The following GJB7 variants were observed in gnomAD, a reference collection of about 807,000 sequenced individuals.
GJB7 encodes the protein gap junction protein beta 7, also known as gap junction beta-7 protein.
For missense variants in GJB7, 253 were observed against 256.8 expected, an observed-to-expected ratio of 0.99 and a Z score of 0.10; for synonymous variants, 87 against 95.2, an observed-to-expected ratio of 0.91 and a Z score of 0.50.
At chr6:87,307,188 A>G (rs1776441653) in intron 2 of GJB7, among the ~76,000 whole-genome samples, 3 of 150,422 alleles carry the variant, frequency 2.0e-5, no homozygotes, top group Non-Finnish European at 1.5e-5. Flanking sequence ...AAAATTTAAA[A>G]AAAAATTTTT....
rs747755500 is a variant in GJB7, at chr6:87,288,067, T to A, written c.-27-3128A>T. On this transcript the variant is annotated intron_variant, in intron 2 of 2. Transcript: ENST00000525899. ...GCAGGTGCCCACCACCACGGCTGGC[T>A]AATTTTTGTATTTCTAGTAGAGACG... Among the ~76,000 whole-genome samples, 342 of 152,148 alleles carry A rather than the reference T, an allele frequency of 2.2e-3. 3 individuals are homozygous for A. The highest frequency in any genetic ancestry group is 4.7e-4 in the Non-Finnish European group (32 of 67,976).
At chr6:87,310,663 A>T (rs1776503524) in intron 2 of GJB7, among the ~76,000 whole-genome samples, 1 of 151,888 alleles carries the variant, frequency 6.6e-6, no homozygotes, top group Admixed American at 6.6e-5. Flanking sequence ...AAAAAAAAAT[A>T]AACCAAATAT....
chr6:87,293,115 TC>T (rs1222489274), intron 2 of GJB7, among the ~76,000 whole-genome samples: 3 of 152,258 alleles, frequency 2.0e-5, no homozygotes, highest in Non-Finnish European at 4.4e-5. Context: ...CACTGCAACC[TC>T]CCCTTCGCGG....
chr6:87,303,556 A>G (rs953051697), intron 2 of GJB7, among the ~76,000 whole-genome samples: 1 of 152,226 alleles, frequency 6.6e-6, no homozygotes, highest in Non-Finnish European at 1.5e-5. Context: ...AAAGAGACTT[A>G]GACTTCCACA....
At chr6:87,306,891 G>GGAAATCATC (rs750394412) in intron 2 of GJB7, among the ~76,000 whole-genome samples, 16 of 152,070 alleles carry the variant, frequency 1.1e-4, no homozygotes, top group Non-Finnish European at 1.9e-4. Flanking sequence ...TGGATGAATT[G>GGAAATCATC]GAAATCATCA....
chr6:87,293,188 C>T (rs1390914904), intron 2 of GJB7, among the ~76,000 whole-genome samples: 8 of 152,136 alleles, frequency 5.3e-5, no homozygotes, highest in Non-Finnish European at 7.4e-5. Context: ...CGCGCCACCA[C>T]GCCCAGCTAA....
At chr6:87,287,958 A>C (rs1241629069) in intron 2 of GJB7, among the ~76,000 whole-genome samples, 2 of 152,126 alleles carry the variant, frequency 1.3e-5, no homozygotes, top group Non-Finnish European at 2.9e-5. Context: ...GCTAGAGTGC[A>C]GTGGTGCAAT....
At chr6:87,289,043 A>G (rs1271461538) in intron 2 of GJB7, among the ~76,000 whole-genome samples, 1 of 152,164 alleles carries the variant, frequency 6.6e-6, no homozygotes, top group African/African-American at 2.4e-5. Flanking sequence ...CTGGACAACA[A>G]TAGCCTGTGT....
intron 1 of GJB7, among the ~76,000 whole-genome samples, chr6:87,325,179 G>T (rs1776786431): frequency 2.0e-5 from 3 of 152,016 alleles, no homozygotes; most frequent in Admixed American, 1.3e-4. Context: ...GAGACAATGG[G>T]GTTTTCTAGG....
intron 1 of GJB7, among the ~76,000 whole-genome samples, chr6:87,326,116 C>A (rs140265632): frequency 0.11 from 16,247 of 152,140 alleles, 908 homozygotes; most frequent in East Asian, 0.13. Flanking sequence ...GGTGATATCC[C>A]TTTTATCATT....
intron 2 of GJB7, among the ~76,000 whole-genome samples, chr6:87,307,536 ACAAG>A (rs1776450841): frequency 6.6e-6 from 1 of 152,204 alleles, no homozygotes; most frequent in African/African-American, 2.4e-5. Context: ...CAAGAAAAAA[ACAAG>A]CAACCCCATC....
intron 2 of GJB7, among the ~76,000 whole-genome samples, chr6:87,293,556 C>G (rs898088915): frequency 6.6e-6 from 1 of 151,976 alleles, no homozygotes; most frequent in African/African-American, 2.4e-5. Flanking sequence ...AAAGTCTTGT[C>G]TCTGGAATTG....
At chr6:87,296,840 C>T (rs1377321330) in intron 2 of GJB7, among the ~76,000 whole-genome samples, 1 of 152,144 alleles carries the variant, frequency 6.6e-6, no homozygotes, top group Non-Finnish European at 1.5e-5. Flanking sequence ...ACCTAGCCAT[C>T]TTTTCTTGGT....
intron 2 of GJB7, among the ~76,000 whole-genome samples, chr6:87,318,727 A>C (rs1776618183): frequency 6.6e-6 from 1 of 152,216 alleles, no homozygotes; most frequent in African/African-American, 2.4e-5. Flanking sequence ...AGAATTAGGA[A>C]GATTTTTTCA....
At chr6:87,302,962 A>T (rs1582560655) in intron 2 of GJB7, among the ~76,000 whole-genome samples, 2 of 152,328 alleles carry the variant, frequency 1.3e-5, no homozygotes, top group East Asian at 3.9e-4. Flanking sequence ...AAAATCCTTT[A>T]CAGACAAGCA....
intron 2 of GJB7, among the ~76,000 whole-genome samples, chr6:87,300,997 T>C (rs530593083): frequency 5.3e-5 from 8 of 152,256 alleles, no homozygotes; most frequent in African/African-American, 1.7e-4. Context: ...AATGACAAGA[T>C]GGAAAATTTC....
intron 2 of GJB7, among the ~76,000 whole-genome samples, chr6:87,301,503 G>A (rs974529264): frequency 1.3e-5 from 2 of 152,196 alleles, no homozygotes; most frequent in African/African-American, 4.8e-5. Context: ...CCATTGCTGA[G>A]GCTTGAGTAG....
intron 2 of GJB7, among the ~76,000 whole-genome samples, chr6:87,292,547 A>T (rs1776191940): frequency 6.6e-6 from 1 of 152,186 alleles, no homozygotes; most frequent in Non-Finnish European, 1.5e-5. Context: ...TTGATAACAG[A>T]CATTTTCTAT....
Position 87,283,962 on chromosome 6 carries a change from C to T in GJB7, c.*279G>A. ...ATCCACATACTGGAGAACCCTACAA[C>T]AAAACAATGAGACCTCTGTCTAGAG... On this transcript the variant is annotated 3_prime_UTR_variant, in exon 3 of 3. Transcript: ENST00000525899. 3.1e-6 allele frequency: 1 copy of T among 323,068 alleles called. No homozygotes were observed. Among genetic ancestry groups the T allele is most frequent in the Non-Finnish European group, 5.7e-6 (1 of 175,120 alleles). 20.0% of individuals were successfully genotyped at this position (323,068 alleles called of 1,614,324 possible). A position where few individuals can be genotyped will look rare whatever the true frequency, so the allele number is the denominator to read the frequency against.
Sources: gnomAD v4.1 joint callset for allele counts (sites outside exome capture counted in the v4.1 genomes callset) on GRCh38, gnomAD v4.1.1 for gene constraint, MANE v1.5 for transcripts, NCBI Gene and HGNC (gene_info 2026-07-23, HGNC 2026-07-21) for gene names.